The following EVI5L variants were observed in gnomAD, a reference collection of about 807,000 sequenced individuals.
The protein encoded by EVI5L is ecotropic viral integration site 5 like.
EVI5L carries 30 observed loss-of-function variants against 106.1 expected under a neutral mutation model. The ratio of observed to expected loss-of-function variants is 0.28; its 90% CI spans 0.21 to 0.38. The LOEUF (loss-of-function observed/expected upper bound fraction) is 0.38. Among genes scored for constraint, EVI5L ranks in the 10% least tolerant of loss-of-function variants. The pLI is 1.00. For missense variants in EVI5L, 809 were observed against 1,098.0 expected, an observed-to-expected ratio of 0.74 and a Z score of 3.72; for synonymous variants, 489 against 483.3, an observed-to-expected ratio of 1.01 and a Z score of -0.15.
intron 10 of EVI5L, chr19:7,853,656 G>A (rs1979377645): frequency 7.8e-6 from 3 of 385,786 alleles, no homozygotes; most frequent in East Asian, 5.7e-5. Flanking sequence ...TGTGCACGCG[G>A]TGGGCAAGGC....
Position 7,857,281 on chromosome 19 carries a change from C to A in EVI5L, c.1233+157C>A. On this transcript the variant is annotated intron_variant, in intron 12 of 19. Coordinates refer to ENST00000538904, the MANE Select transcript of EVI5L (RefSeq NM_001159944.3). The surrounding 1 kb of genome is among the most constrained non-coding windows in gnomAD (Gnocchi z 4.5). ...GGACCGCTTCTGGGGGACACAGAGG[C>A]TTCCCGGGGGGGCGGGGCATGTGAA... is the stretch of plus-strand genomic sequence containing the variant. 3.1e-6 allele frequency: 3 copies of A among 976,538 alleles called. No homozygotes were observed. Among genetic ancestry groups the A allele is most frequent in the Non-Finnish European group, 3.1e-6 (2 of 639,200 alleles). The allele number at this position is 976,538 out of a possible 1,614,324, so 60.5% of individuals were successfully genotyped here.
rs1039002335 is a variant in EVI5L at position 7,858,367 on chromosome 19, A to G, written c.1374+36A>G. On this transcript the variant is annotated intron_variant, in intron 13 of 19. Coordinates refer to ENST00000538904, the MANE Select transcript of EVI5L (RefSeq NM_001159944.3). This position sits in a 1 kb window ranked among gnomAD's most constrained non-coding sequence, Gnocchi z 5.7. ...GTGTGCGGGGCTGCTGGGCGGGGCC[A>G]TGACCCGCGCCCCCGCCCCCGCCCA... 87 of 1,523,092 alleles carry G rather than the reference A, an allele frequency of 5.7e-5. No homozygotes were observed. The highest frequency in any genetic ancestry group is 7.1e-5 in the Non-Finnish European group (81 of 1,138,422). 94.3% of individuals were successfully genotyped at this position (1,523,092 alleles called of 1,614,324 possible).
In EVI5L at chr19:7,857,067, G is replaced by T. The variant is rs775367361; in HGVS notation, c.1201-25G>T. On this transcript the variant is annotated intron_variant, in intron 11 of 19. Transcript: ENST00000538904. This position sits in a 1 kb window ranked among gnomAD's most constrained non-coding sequence, Gnocchi z 4.5. ...TTCCGCTCTGCCTCCTCCCCCTGTC[G>T]CTGGGAACCCCCTTCGCCGGGTAGG... 2 of 1,551,808 alleles carry T rather than the reference G, an allele frequency of 1.3e-6. No homozygotes were observed. Among genetic ancestry groups the T allele is most frequent in the South Asian group, 2.4e-5 (2 of 84,068 alleles).
chr19:7,858,160 T>TC lies in EVI5L; in HGVS notation c.1234-26dup. On this transcript the variant is annotated intron_variant, in intron 12 of 19. Coordinates refer to ENST00000538904, the MANE Select transcript of EVI5L (RefSeq NM_001159944.3). This position sits in a 1 kb window ranked among gnomAD's most constrained non-coding sequence, Gnocchi z 5.7. ...TGGGTGGGAGCCGAGGGTCACGGCC[T>TC]CCCCCTGCCCCCTGTCCTCGCTGTT... The TC allele has an allele frequency of 1.3e-6, 2 of 1,543,524 alleles. No individual in the cohort carries two copies. The highest frequency in any genetic ancestry group is 2.7e-5 in the African/African-American group (2 of 73,026).
chr19:7,853,365 G>A, intron 10 of EVI5L, 32 bp downstream of exon 10: 1 of 1,594,592 alleles, frequency 6.3e-7, no homozygotes, highest in Non-Finnish European at 8.5e-7. Flanking sequence ...CGGGGACAGG[G>A]ATGGGAGGCC....
Position 7,860,678 on chromosome 19 carries a change from G to T in EVI5L, c.1492G>T (p.Asp498Tyr). 1 of 1,586,798 alleles carries T rather than the reference G, an allele frequency of 6.3e-7. No individual in the cohort carries two copies. The highest frequency in any genetic ancestry group is 1.8e-5 in the Admixed American group (1 of 56,164). Residue 498 changes from aspartate to tyrosine, a missense_variant, in exon 14 of 20, where the codon GAC becomes TAC. Asp to Tyr is a radical substitution (Grantham distance 160). Around this residue, in one of 2 missense-constraint regions of EVI5L, gnomAD observed 452 missense variants for 509.9 expected, o/e 0.89. Coordinates refer to ENST00000538904, the MANE Select transcript of EVI5L (RefSeq NM_001159944.3). ...TCGGGAGATGCAGGACAAGGTTCTC[G>T]ACATGGAAAAGGTGCAATGGGGAGG... is the stretch of plus-strand genomic sequence containing the variant. The part of the protein sequence containing the change: ...ALREMQDKVL[D>Y]MEKRNSSLPD...
chr19:7,834,754 T>A (rs916645872), intron 1 of EVI5L, among the ~76,000 whole-genome samples: 23 of 152,186 alleles, frequency 1.5e-4, no homozygotes, highest in Admixed American at 1.4e-3. Flanking sequence ...CCTAAGCACA[T>A]GACAGGTTTA....
rs749965697 is a variant in EVI5L at position 7,860,657 on chromosome 19, G to A, written c.1471G>A (p.Glu491Lys). 3.3e-5 allele frequency: 53 copies of A among 1,592,822 alleles called. No homozygotes were observed. Among genetic ancestry groups the A allele is most frequent in the Non-Finnish European group, 4.5e-5 (53 of 1,169,958 alleles). Reference sequence around the variant, plus strand: ...GACGGAGACACTGGGGGCCCTTCGGGAGATGCAGGACAAGGTTCTCGACAT... The same window carrying A: ...GACGGAGACACTGGGGGCCCTTCGGAAGATGCAGGACAAGGTTCTCGACAT... ...RETETLGALR[E>K]MQDKVLDMEK... The change falls in exon 14 of 20, where the codon GAG becomes AAG. Residue 491 changes from glutamate (E) to lysine (K), a missense_variant. Around this residue, in one of 2 missense-constraint regions of EVI5L, gnomAD observed 452 missense variants for 509.9 expected, o/e 0.89. Coordinates refer to ENST00000538904, the MANE Select transcript of EVI5L (RefSeq NM_001159944.3).
At position 7,856,838 on chromosome 19, in the gene EVI5L, T is replaced by TC. The variant is rs1296223629; in HGVS notation, c.1201-249dup. On this transcript the variant is annotated intron_variant, in intron 11 of 19. Coordinates refer to ENST00000538904, the MANE Select transcript of EVI5L (RefSeq NM_001159944.3). The surrounding 1 kb of genome is among the most constrained non-coding windows in gnomAD (Gnocchi z 6.6). ...CAGTGGGTTTCCCAGCCCTGCGGCC[T>TC]CCCCCACAGCCGCGGGCACCCCCGA... The TC allele has an allele frequency of 4.5e-6, 3 of 673,118 alleles. No homozygotes were observed. Among genetic ancestry groups the TC allele is most frequent in the Non-Finnish European group, 8.1e-6 (3 of 368,220 alleles). The allele number at this position is 673,118 out of a possible 1,614,324, so 41.7% of individuals were successfully genotyped here. A position where few individuals can be genotyped will look rare whatever the true frequency, so the allele number is the denominator to read the frequency against.
intron 1 of EVI5L, among the ~76,000 whole-genome samples, chr19:7,838,131 C>T (rs946274842): frequency 1.3e-5 from 2 of 149,488 alleles, no homozygotes; most frequent in Admixed American, 1.3e-4. Flanking sequence ...TTTTTTGAGA[C>T]GGAGTCTCGC....
chr19:7,863,558 CCTG>C lies in EVI5L; in HGVS notation c.2276_2278del (p.Leu759del). The C allele has an allele frequency of 6.3e-7, 1 of 1,599,932 alleles. No homozygotes were observed. Among genetic ancestry groups the C allele is most frequent in the East Asian group, 2.3e-5 (1 of 44,084 alleles). On this transcript the variant is annotated inframe_deletion, in exon 20 of 20. Coordinates refer to ENST00000538904, the MANE Select transcript of EVI5L (RefSeq NM_001159944.3). The surrounding 1 kb of genome is among the most constrained non-coding windows in gnomAD (Gnocchi z 7.7). ...TACTTGGCGTAGGCGTGGGCGCTGC[CCTG>C]CAGGACGCATTGTACCCTCTGTCCC... is the stretch of plus-strand genomic sequence containing the variant.
At chr19:7,838,039 G>A (rs1444417120) in intron 1 of EVI5L, among the ~76,000 whole-genome samples, 1 of 151,212 alleles carries the variant, frequency 6.6e-6, no homozygotes, top group Non-Finnish European at 1.5e-5. Flanking sequence ...AGTAGGTGTT[G>A]TGTAGAATGT....
At position 7,862,024 on chromosome 19, in the gene EVI5L, G is replaced by C; in HGVS notation, c.1644+6G>C. 1 of 1,543,254 alleles carries C rather than the reference G, an allele frequency of 6.5e-7. No individual in the cohort carries two copies. The highest frequency in any genetic ancestry group is 8.7e-7 in the Non-Finnish European group (1 of 1,143,994). On this transcript the variant is annotated splice_donor_region_variant and intron_variant, in intron 15 of 19. Transcript: ENST00000538904. Reference sequence around the variant, plus strand: ...AGCTCTCGGACACCTGGCAGGTGAGGGCCGGGTGGGCGCCGGCGGGCAGAG... The same window carrying C: ...AGCTCTCGGACACCTGGCAGGTGAGCGCCGGGTGGGCGCCGGCGGGCAGAG...
At chr19:7,847,367 C>T (rs1979000994) in intron 2 of EVI5L, among the ~76,000 whole-genome samples, 1 of 152,068 alleles carries the variant, frequency 6.6e-6, no homozygotes, top group Admixed American at 6.5e-5. Flanking sequence ...GCAGGTGGAT[C>T]ACCTGAGGTC....
chr19:7,862,355 C>T, intron 16 of EVI5L, 33 bp from the exon 17 acceptor site: 2 of 1,581,172 alleles, frequency 1.3e-6, no homozygotes, highest in Non-Finnish European at 1.7e-6. Context: ...CTGACCGCCG[C>T]CGTCCTCCGT....
rs1978325305 is a variant in EVI5L, at chr19:7,835,490, A to G, written c.-48+5109A>G. Among the ~76,000 whole-genome samples the G allele has an allele frequency of 3.9e-5, 6 of 152,238 alleles. No homozygotes were observed. ...GCCACTGCACTCCAGCCTGGGTGAC[A>G]GAGGTAGACTCGGTTTCAAAGAAAA... On this transcript the variant is annotated intron_variant, in intron 1 of 19. Coordinates refer to ENST00000538904, the MANE Select transcript of EVI5L (RefSeq NM_001159944.3). The surrounding 1 kb of genome is among the most constrained non-coding windows in gnomAD (Gnocchi z 4.1).
At chr19:7,844,227 T>C (rs895833855) in intron 1 of EVI5L, among the ~76,000 whole-genome samples, 3 of 150,658 alleles carry the variant, frequency 2.0e-5, no homozygotes, top group African/African-American at 7.4e-5. Context: ...GGCACGCACC[T>C]GTAATCAAGC....
intron 1 of EVI5L, among the ~76,000 whole-genome samples, chr19:7,834,591 G>T (rs1204824740): frequency 6.6e-6 from 1 of 152,140 alleles, no homozygotes. Flanking sequence ...CCACAGAAAG[G>T]GAGGGCCTGT....
rs200385692 is a variant in EVI5L, at chr19:7,856,395, C to T, written c.1200+327C>T. 6.6e-6 allele frequency among the ~76,000 whole-genome samples: 1 copy of T among 151,988 alleles called. No homozygotes were observed. The highest frequency in any genetic ancestry group is 1.5e-5 in the Non-Finnish European group (1 of 67,994). On this transcript the variant is annotated intron_variant, in intron 11 of 19. Coordinates refer to ENST00000538904, the MANE Select transcript of EVI5L (RefSeq NM_001159944.3). The surrounding 1 kb of genome is among the most constrained non-coding windows in gnomAD (Gnocchi z 6.6). ...GAGGGAGAACTGCCACTTTGATGGA[C>T]GAGCCCCGTAATTGGGCCACAAGCC...
Sources: gnomAD v4.1 joint callset for allele counts (sites outside exome capture counted in the v4.1 genomes callset) on GRCh38, gnomAD v4.1.1 for gene constraint, gnomAD v4.1.1 regional missense constraint, Gnocchi (gnomAD v3.1) non-coding constraint, MANE v1.5 for transcripts, NCBI Gene and HGNC (gene_info 2026-07-23, HGNC 2026-07-21) for gene names.